Variants in SLC13A4 observed in about 807,000 individuals in gnomAD.
SLC13A4 encodes the protein Na(+)/sulfate cotransporter SUT-1.
SLC13A4 carries 28 observed loss-of-function variants against 72.7 expected under a neutral mutation model. The observed-to-expected ratio is 0.39, with a 90% CI of 0.29 to 0.53. The LOEUF (loss-of-function observed/expected upper bound fraction) is 0.53, where lower values mean the gene tolerates loss of function less well. Among genes scored for constraint, SLC13A4 ranks in the 20% least tolerant of loss-of-function variants. The pLI is 0.78. For missense variants in SLC13A4, 653 were observed against 788.0 expected (o/e 0.83, Z 2.05); for synonymous variants, 312 against 325.5 (o/e 0.96, Z 0.45).
intron 8 of SLC13A4, among the ~76,000 whole-genome samples, chr7:135,697,022 G>A (rs147501876): frequency 6.6e-6 from 1 of 152,242 alleles, no homozygotes; most frequent in East Asian, 1.9e-4. Context: ...TCCTTACCCT[G>A]TATATTCTAG....
Position 135,699,517 on chromosome 7 carries a change from C to T in SLC13A4, c.746G>A (p.Arg249Lys), listed in dbSNP as rs759773508. 1.4e-5 allele frequency: 23 copies of T among 1,610,014 alleles called. No individual in the cohort carries two copies. Among genetic ancestry groups the T allele is most frequent in the Non-Finnish European group, 1.7e-5 (20 of 1,178,102 alleles). Reference sequence around the variant, plus strand: ...GTACTTTCTGTTCAGCTTCTGCTTCCTGGGGCTGGGGGTCAGGACTTGTGG... The same window carrying T: ...GTACTTTCTGTTCAGCTTCTGCTTCTTGGGGCTGGGGGTCAGGACTTGTGG... ...EKPQVLTPSP[R>K]KQKLNRKYRS... is the part of the protein sequence containing the mutation. Residue 249 changes from arginine (R) to lysine (K), a missense_variant, in exon 8 of 16, where the codon AGG becomes AAG. Physicochemically the swap from Arg to Lys is conservative, Grantham distance 26. Coordinates refer to ENST00000682651, the MANE Select transcript of SLC13A4 (RefSeq NM_001318192.2).
rs143316050 is a variant in SLC13A4 at position 135,704,362 on chromosome 7, G to A, written c.593+1234C>T. 8.1e-3 allele frequency: 1,236 copies of A among 152,842 alleles called. 5 individuals carry two copies. Among genetic ancestry groups the A allele is most frequent in the Middle Eastern group, 0.024 (7 of 296 alleles). The allele number at this position is 152,842 out of a possible 1,614,324, so 9.5% of individuals were successfully genotyped here. On this transcript the variant is annotated intron_variant, in intron 5 of 15. Coordinates refer to ENST00000682651, the MANE Select transcript of SLC13A4 (RefSeq NM_001318192.2). ...AGGCAGTTGCCCCACAGATGAAAGA[G>A]CCAGGGACTGAAATCTCAGAGAGGG...
rs755028599 is a variant in SLC13A4 at position 135,708,245 on chromosome 7, C to T, written c.234G>A (p.Ala78=). The change falls in exon 3 of 16, where the codon GCG becomes GCA. Residue 78 remains alanine (A), a synonymous_variant. Transcript: ENST00000682651. ...GCGTGGTGTTCTTGAAGTACTCCGC[C>T]GCCACCTGTAGGGAGGCCAGGCATG... ...FFGVLRSNEV[A]AEYFKNTTLL... 6 of 1,614,180 alleles carry T rather than the reference C, an allele frequency of 3.7e-6. No homozygotes were observed. The highest frequency in any genetic ancestry group is 5.1e-6 in the Non-Finnish European group (6 of 1,180,024).
intron 3 of SLC13A4, 96 bp from the exon 4 acceptor site, chr7:135,706,396 G>T: frequency 7.7e-7 from 1 of 1,305,656 alleles, no homozygotes; most frequent in Non-Finnish European, 1.0e-6. Flanking sequence ...GGCTGGTCTA[G>T]ACAGCTGTGG....
chr7:135,713,419 G>C (rs145754434), intron 2 of SLC13A4, among the ~76,000 whole-genome samples: 1 of 152,080 alleles, frequency 6.6e-6, no homozygotes, highest in Non-Finnish European at 1.5e-5. Flanking sequence ...GTTCAGATGA[G>C]TTACCTGCTA....
intron 13 of SLC13A4, among the ~76,000 whole-genome samples, chr7:135,686,051 A>G (rs1795615775): frequency 6.6e-6 from 1 of 152,240 alleles, no homozygotes; most frequent in African/African-American, 2.4e-5. Context: ...TACCCTGTGC[A>G]TTGATTCGAC....
intron 2 of SLC13A4, among the ~76,000 whole-genome samples, chr7:135,718,998 C>T (rs1796487371): frequency 6.6e-6 from 1 of 152,232 alleles, no homozygotes; most frequent in Non-Finnish European, 1.5e-5. Context: ...TAAGCTGCTC[C>T]CTGTAGCCCA....
chr7:135,692,226 C>T lies in SLC13A4; in HGVS notation c.1223+97G>A, dbSNP rs896460881. On this transcript the variant is annotated intron_variant, in intron 11 of 15. Coordinates refer to ENST00000682651, the MANE Select transcript of SLC13A4 (RefSeq NM_001318192.2). The stretch of plus-strand genomic sequence containing the variant: ...GAGTGGATTTCCTGGGGAATGAAAT[C>T]TTCCTGGCTTCATATCTGCCCCTGA... The T allele has an allele frequency of 6.8e-6, 6 of 877,626 alleles. No individual in the cohort carries two copies. In the African/African-American group the frequency reaches 1.0e-4, roughly 15 times the overall value. The allele number at this position is 877,626 out of a possible 1,614,324, so 54.4% of individuals were successfully genotyped here. A position where few individuals can be genotyped will look rare whatever the true frequency, so the allele number is the denominator to read the frequency against.
intron 2 of SLC13A4, among the ~76,000 whole-genome samples, chr7:135,713,584 T>C (rs1225506564): frequency 1.3e-5 from 2 of 152,116 alleles, no homozygotes; most frequent in East Asian, 3.9e-4. Flanking sequence ...TTTTTTATTT[T>C]ATATATTTTT....
chr7:135,699,288 T>A (rs759705559), intron 8 of SLC13A4, 76 bp downstream of exon 8: 418 of 1,330,858 alleles, frequency 3.1e-4, no homozygotes, highest in Non-Finnish European at 3.8e-4. Flanking sequence ...TTTTCTACCA[T>A]ATCTCTAGCA....
At position 135,709,539 on chromosome 7, in the gene SLC13A4, A is replaced by G. The variant is rs145690692; in HGVS notation, c.229-1289T>C. The stretch of plus-strand genomic sequence containing the variant: ...GGCTCAGGGTATATTTTCTACGAGT[A>G]GGGATTTTCTCTTCCTTAGTGGCCA... On this transcript the variant is annotated intron_variant, in intron 2 of 15. Transcript: ENST00000682651. 3.0e-4 allele frequency among the ~76,000 whole-genome samples: 45 copies of G among 152,078 alleles called. 1 individual carries two copies. In the East Asian group the frequency reaches 8.7e-3, roughly 29 times the overall value.
chr7:135,699,827 T>A (rs1389913996), intron 7 of SLC13A4, among the ~76,000 whole-genome samples: 7 of 152,218 alleles, frequency 4.6e-5, no homozygotes, highest in South Asian at 2.1e-4. Context: ...ATTTAATGAA[T>A]GGTAGGCTAT....
At chr7:135,700,097 T>C (rs528838655) in intron 7 of SLC13A4, among the ~76,000 whole-genome samples, 1 of 152,334 alleles carries the variant, frequency 6.6e-6, no homozygotes, top group South Asian at 2.1e-4. Flanking sequence ...ACACCTGGAT[T>C]ACATAAAAAC....
intron 2 of SLC13A4, among the ~76,000 whole-genome samples, chr7:135,710,833 GC>G (rs1253303757): frequency 1.3e-5 from 2 of 152,168 alleles, no homozygotes; most frequent in African/African-American, 4.8e-5. Context: ...GGGGGGAAAA[GC>G]CCCTGCTTCT....
intron 15 of SLC13A4, among the ~76,000 whole-genome samples, chr7:135,682,457 C>G (rs1370285205): frequency 6.6e-6 from 1 of 152,230 alleles, no homozygotes; most frequent in African/African-American, 2.4e-5. Flanking sequence ...CAAGACAAGT[C>G]ACTAGCTGGC....
chr7:135,716,516 C>T (rs1019146733), intron 2 of SLC13A4, among the ~76,000 whole-genome samples: 15 of 152,162 alleles, frequency 9.9e-5, no homozygotes, highest in African/African-American at 3.6e-4. Flanking sequence ...TTTCACCATG[C>T]TGGCCAGGCT....
intron 13 of SLC13A4, among the ~76,000 whole-genome samples, chr7:135,690,094 T>C (rs548317969): frequency 2.0e-5 from 3 of 148,272 alleles, no homozygotes; most frequent in Admixed American, 6.8e-5. Flanking sequence ...GGCATGAGAA[T>C]TGCTTGAACC....
In SLC13A4 at chr7:135,727,584, A is replaced by C. The variant is rs1436477474; in HGVS notation, c.-88T>G. 2 of 1,444,654 alleles carry C rather than the reference A, an allele frequency of 1.4e-6. No individual in the cohort carries two copies. The highest frequency in any genetic ancestry group is 1.8e-6 in the Non-Finnish European group (2 of 1,082,698). The allele number at this position is 1,444,654 out of a possible 1,614,324, so 89.5% of individuals were successfully genotyped here. On this transcript the variant is annotated 5_prime_UTR_variant, in exon 1 of 16. Transcript: ENST00000682651. ...TGGGCACTGCTCTCTATCCAGAAAGACTTCTTAAACCTTTCTTGGCTTCCG... is the reference window on the plus strand; with the variant it reads ...TGGGCACTGCTCTCTATCCAGAAAGCCTTCTTAAACCTTTCTTGGCTTCCG...
chr7:135,716,178 C>CTGGA (rs1563169715), intron 2 of SLC13A4, among the ~76,000 whole-genome samples: 3 of 146,154 alleles, frequency 2.1e-5, no homozygotes, highest in Middle Eastern at 3.9e-3. Flanking sequence ...ACTTATGTCC[C>CTGGA]CTTAAGTCTT....
Sources: allele counts gnomAD v4.1 joint callset (sites outside exome capture counted in the v4.1 genomes callset), GRCh38; gene constraint gnomAD v4.1.1; transcripts MANE v1.5; gene names NCBI Gene and HGNC (gene_info 2026-07-23, HGNC 2026-07-21).